The following UBE2L3 variants were observed in gnomAD, a reference collection of about 807,000 sequenced individuals.
UBE2L3 encodes the protein ubiquitin-conjugating enzyme E2 L3.
Under a neutral mutation model 17.8 loss-of-function variants are expected in UBE2L3, and 1 was observed. The observed-to-expected ratio is 0.06, with a 90% CI of 0.02 to 0.27. The LOEUF (loss-of-function observed/expected upper bound fraction) is 0.27, where lower values mean the gene tolerates loss of function less well. Among genes scored for constraint, UBE2L3 ranks in the 10% least tolerant of loss-of-function variants. The pLI is 1.00. For missense variants in UBE2L3, 40 were observed against 192.6 expected (o/e 0.21, Z 4.69); for synonymous variants, 44 against 68.5 (o/e 0.64, Z 1.76).
intron 1 of UBE2L3, among the ~76,000 whole-genome samples, chr22:21,557,742 C>T (rs1314039085): frequency 6.6e-6 from 1 of 152,358 alleles, no homozygotes. Context: ...AAGATGATCT[C>T]GATCTCCTGA....
chr22:21,612,974 G>A (rs886268804), intron 3 of UBE2L3, among the ~76,000 whole-genome samples: 1 of 152,062 alleles, frequency 6.6e-6, no homozygotes. Context: ...TAGCACTGTC[G>A]AAAACCTATA....
intron 3 of UBE2L3, among the ~76,000 whole-genome samples, chr22:21,619,054 G>GC (rs2148450064): frequency 6.6e-6 from 1 of 152,216 alleles, no homozygotes; most frequent in East Asian, 1.9e-4. Context: ...CTGTTACAGG[G>GC]CCATTTCTAA....
At chr22:21,579,868 A>G (rs755676845) in intron 1 of UBE2L3, among the ~76,000 whole-genome samples, 2 of 152,138 alleles carry the variant, frequency 1.3e-5, no homozygotes, top group Admixed American at 6.6e-5. Context: ...ATTTACTTTG[A>G]TAGACCAGTT....
At chr22:21,581,620 G>A (rs572208755) in intron 1 of UBE2L3, among the ~76,000 whole-genome samples, 1 of 152,158 alleles carries the variant, frequency 6.6e-6, no homozygotes, top group East Asian at 1.9e-4. Flanking sequence ...TGACCAACAT[G>A]AATAAACCCC....
intron 1 of UBE2L3, among the ~76,000 whole-genome samples, chr22:21,588,232 G>A (rs1489782737): frequency 6.6e-6 from 1 of 152,098 alleles, no homozygotes; most frequent in Non-Finnish European, 1.5e-5. Context: ...GTTTTTATCA[G>A]GTCCTTTCTT....
rs141791894 is a variant in UBE2L3, at chr22:21,580,510, C to T, written c.28-12351C>T. On this transcript the variant is annotated intron_variant, in intron 1 of 3. Coordinates refer to ENST00000342192, the MANE Select transcript of UBE2L3 (RefSeq NM_003347.4). ...TGTTGCCCAGGCTGGAGTGCAGTGG[C>T]GCGATCTCGGCTTACTGCAGCCTCT... Among the ~76,000 whole-genome samples, 1,272 of 151,792 alleles carry T rather than the reference C, an allele frequency of 8.4e-3. 26 individuals are homozygous for T. The highest frequency in any genetic ancestry group is 0.029 in the African/African-American group (1,208 of 41,380).
intron 1 of UBE2L3, among the ~76,000 whole-genome samples, chr22:21,575,412 T>TAA (rs547379857): frequency 0.056 from 5,724 of 101,652 alleles, 448 homozygotes; most frequent in African/African-American, 0.16. Context: ...CCATCTCTAC[T>TAA]AAAAAAAAAA....
chr22:21,579,436 G>A (rs1305518180), intron 1 of UBE2L3, among the ~76,000 whole-genome samples: 1 of 152,036 alleles, frequency 6.6e-6, no homozygotes, highest in Non-Finnish European at 1.5e-5. Context: ...AAGGCCATGA[G>A]GCTTATGTTT....
At chr22:21,561,696 G>T (rs866690372) in intron 1 of UBE2L3, among the ~76,000 whole-genome samples, 3 of 152,276 alleles carry the variant, frequency 2.0e-5, no homozygotes, top group African/African-American at 7.2e-5. Context: ...AATGGCAAAG[G>T]CACCACAGGC....
chr22:21,620,355 G>T (rs1457012232), intron 3 of UBE2L3, among the ~76,000 whole-genome samples: 3 of 152,110 alleles, frequency 2.0e-5, no homozygotes, highest in African/African-American at 7.2e-5. Context: ...ACACCCAGGA[G>T]TTTGAGGGTA....
At chr22:21,556,475 G>T (rs1280058459) in intron 1 of UBE2L3, among the ~76,000 whole-genome samples, 1 of 152,264 alleles carries the variant, frequency 6.6e-6, no homozygotes, top group Non-Finnish European at 1.5e-5. Context: ...TGTCATCCAG[G>T]CTGGAGTGCA....
chr22:21,614,941 G>A (rs547511476), intron 3 of UBE2L3, among the ~76,000 whole-genome samples: 10 of 150,574 alleles, frequency 6.6e-5, no homozygotes, highest in African/African-American at 2.2e-4. Flanking sequence ...ATCACCTGAG[G>A]TCCGGAGTTC....
intron 1 of UBE2L3, among the ~76,000 whole-genome samples, chr22:21,581,055 ATTTT>A (rs576111528): frequency 2.3e-5 from 3 of 130,822 alleles, no homozygotes; most frequent in Admixed American, 7.9e-5. Context: ...TGCCCGGCTA[ATTTT>A]TTTTTTTTTT....
chr22:21,575,336 A>G (rs1295241680), intron 1 of UBE2L3, among the ~76,000 whole-genome samples: 1 of 149,988 alleles, frequency 6.7e-6, no homozygotes, highest in Non-Finnish European at 1.5e-5. Context: ...TCCGAATCCC[A>G]GCACTTTGAG....
intron 3 of UBE2L3, among the ~76,000 whole-genome samples, chr22:21,620,103 G>A (rs966160028): frequency 7.9e-5 from 12 of 152,046 alleles, no homozygotes; most frequent in Admixed American, 6.6e-4. Context: ...AGACCAGCCT[G>A]GGCAACATAG....
chr22:21,567,491 T>A, upstream of UBE2L3: 1 of 704,772 alleles, frequency 1.4e-6, no homozygotes, highest in Non-Finnish European at 2.3e-6. Context: ...GTATTTATTA[T>A]GCTCCTACTA....
At chr22:21,618,049 C>T (rs769218806) in intron 3 of UBE2L3, among the ~76,000 whole-genome samples, 16 of 151,742 alleles carry the variant, frequency 1.1e-4, no homozygotes, top group East Asian at 5.9e-4. Flanking sequence ...GGCGTGGTGG[C>T]GGATGCCTGT....
At chr22:21,588,463 C>CTTTTT (rs1255043408) in intron 1 of UBE2L3, among the ~76,000 whole-genome samples, 186 of 103,266 alleles carry the variant, frequency 1.8e-3, no homozygotes, top group South Asian at 4.2e-3. Flanking sequence ...TTTCTTCTTT[C>CTTTTT]TTTTTTTTTT....
At chr22:21,608,173 G>A (rs1317834217) in intron 2 of UBE2L3, among the ~76,000 whole-genome samples, 7 of 152,188 alleles carry the variant, frequency 4.6e-5, no homozygotes, top group Admixed American at 2.0e-4. Flanking sequence ...AGGAACTCTC[G>A]CTCTTTCCTG....
Sources: allele counts gnomAD v4.1 joint callset (sites outside exome capture counted in the v4.1 genomes callset), GRCh38; gene constraint gnomAD v4.1.1; transcripts MANE v1.5; gene names NCBI Gene and HGNC (gene_info 2026-07-23, HGNC 2026-07-21).